Variants in NBAS observed in about 807,000 individuals in gnomAD.
The protein encoded by NBAS is NBAS subunit of NRZ tethering complex, also known as NAG/BC035112 fusion.
In NBAS, 219 loss-of-function variants were observed where a neutral mutation model predicts 302.5. The observed-to-expected ratio is 0.72, with a 90% CI of 0.65 to 0.81. The LOEUF (loss-of-function observed/expected upper bound fraction) is 0.81, where lower values mean the gene tolerates loss of function less well. Among genes scored for constraint, NBAS ranks in the 30% least tolerant of loss-of-function variants. The pLI is 0.00. For synonymous variants in NBAS, 1,118 were observed against 1,021.6 expected (o/e 1.09, Z -1.80); for missense variants, 2,932 against 2,841.6 (o/e 1.03, Z -0.72).
chr2:15,233,985 TC>T (rs1273468227), intron 46 of NBAS, among the ~76,000 whole-genome samples: 1 of 152,218 alleles, frequency 6.6e-6, no homozygotes, highest in African/African-American at 2.4e-5. Flanking sequence ...TCTTTTCTAA[TC>T]CTCTTGGATG....
chr2:15,120,674 A>G, the NBAS span, among the ~76,000 whole-genome samples: 11 of 152,224 alleles, frequency 7.2e-5, no homozygotes, highest in Admixed American at 2.6e-4. Context: ...TCTGCCCATC[A>G]ATGCGCCATA....
Position 15,366,637 on chromosome 2 carries a change from T to C in NBAS, c.3760A>G (p.Thr1254Ala), listed in dbSNP as rs137946600. 156 of 1,613,936 alleles carry C rather than the reference T, an allele frequency of 9.7e-5. No individual in the cohort carries two copies. The highest frequency in any genetic ancestry group is 1.1e-4 in the Non-Finnish European group (132 of 1,180,006). The change falls in exon 32 of 52, where the codon ACA (threonine) becomes GCA (alanine). Residue 1254 changes from threonine to alanine, a missense_variant. Physicochemically the swap from Thr to Ala is moderately conservative, Grantham distance 58. Transcript: ENST00000281513. Reference protein sequence around the residue: ...LIKECISQSPTCYKQSTKLLG... With the variant: ...LIKECISQSPACYKQSTKLLG... ...AGCTTGGTGGATTGTTTATAGCATG[T>C]GGGGGACTGGGAAATACACTCCTTG...
chr2:15,143,218 C>G, the NBAS span, among the ~76,000 whole-genome samples: 1 of 152,176 alleles, frequency 6.6e-6, no homozygotes, highest in Non-Finnish European at 1.5e-5. Flanking sequence ...GGCTCACAAA[C>G]AACCCTGTGA....
the NBAS span, among the ~76,000 whole-genome samples, chr2:15,104,116 T>C: frequency 2.0e-5 from 3 of 152,084 alleles, no homozygotes; most frequent in Non-Finnish European, 4.4e-5. Context: ...CATACTGTTT[T>C]TGTGGTAGTG....
the NBAS span, among the ~76,000 whole-genome samples, chr2:14,793,688 A>T: frequency 6.6e-6 from 1 of 152,176 alleles, no homozygotes; most frequent in African/African-American, 2.4e-5. Context: ...AAATTTGGTA[A>T]AGTCATACTT....
the NBAS span, among the ~76,000 whole-genome samples, chr2:15,093,203 C>G: frequency 6.6e-6 from 1 of 152,212 alleles, no homozygotes; most frequent in South Asian, 2.1e-4. Context: ...ATCACTTGAG[C>G]TCAGGAGTTT....
At chr2:14,969,697 T>C in the NBAS span, among the ~76,000 whole-genome samples, 1 of 152,154 alleles carries the variant, frequency 6.6e-6, no homozygotes, top group Non-Finnish European at 1.5e-5. Context: ...TTTTTTTAAA[T>C]GCAGTGGAGA....
At chr2:14,939,468 A>G in the NBAS span, among the ~76,000 whole-genome samples, 2 of 152,254 alleles carry the variant, frequency 1.3e-5, no homozygotes, top group East Asian at 1.9e-4. Context: ...GGATTTGAAT[A>G]AAGACCTTCT....
chr2:15,383,427 T>A, intron 28 of NBAS, 110 bp from the exon 29 acceptor site: 1 of 787,436 alleles, frequency 1.3e-6, no homozygotes, highest in Non-Finnish European at 2.2e-6. Context: ...CCACTCTATA[T>A]CCACATCAGC....
At chr2:15,138,688 C>T in the NBAS span, among the ~76,000 whole-genome samples, 1 of 150,308 alleles carries the variant, frequency 6.7e-6, no homozygotes, top group African/African-American at 2.5e-5. Context: ...AATTAAGTAA[C>T]TGGGCAAAAA....
chr2:15,144,421 C>G, the NBAS span, among the ~76,000 whole-genome samples: 4 of 152,192 alleles, frequency 2.6e-5, no homozygotes, highest in Non-Finnish European at 2.9e-5. Context: ...GAAAGAATGA[C>G]TTTTATGTTT....
the NBAS span, among the ~76,000 whole-genome samples, chr2:15,099,075 G>A: frequency 2.6e-5 from 4 of 151,942 alleles, no homozygotes; most frequent in Non-Finnish European, 5.9e-5. Flanking sequence ...GGGAGGCTGC[G>A]GCAGGCCTCC....
chr2:15,216,019 C>A (rs1411300428), intron 48 of NBAS, among the ~76,000 whole-genome samples: 2 of 152,132 alleles, frequency 1.3e-5, no homozygotes, highest in Non-Finnish European at 2.9e-5. Context: ...ATTCACTCAC[C>A]AAGTAACAAG....
At chr2:14,929,407 C>T in the NBAS span, among the ~76,000 whole-genome samples, 2 of 152,132 alleles carry the variant, frequency 1.3e-5, no homozygotes, top group African/African-American at 4.8e-5. Flanking sequence ...GAGACGGAGT[C>T]TCACTCTGTC....
chr2:14,806,625 C>A, the NBAS span, among the ~76,000 whole-genome samples: 1 of 152,158 alleles, frequency 6.6e-6, no homozygotes, highest in Admixed American at 6.5e-5. Flanking sequence ...CTATATAAAA[C>A]AAATCATTCA....
chr2:14,854,760 G>A, the NBAS span, among the ~76,000 whole-genome samples: 1 of 152,140 alleles, frequency 6.6e-6, no homozygotes. Context: ...AATCCCAGCT[G>A]TTAAAACTTG....
chr2:15,516,767 A>C (rs1662412248), intron 9 of NBAS, among the ~76,000 whole-genome samples: 1 of 152,134 alleles, frequency 6.6e-6, no homozygotes, highest in South Asian at 2.1e-4. Flanking sequence ...TATTTACAAC[A>C]CACAGAACTA....
the NBAS span, among the ~76,000 whole-genome samples, chr2:14,893,230 T>C: frequency 5.0e-5 from 7 of 140,956 alleles, no homozygotes; most frequent in Non-Finnish European, 4.9e-5. Context: ...ATTACAAACA[T>C]TTTTATTCCC....
At chr2:15,539,108 G>T in intron 7 of NBAS, 115 bp downstream of exon 7, 1 of 1,408,064 alleles carries the variant, frequency 7.1e-7, no homozygotes, top group Non-Finnish European at 9.9e-7. Flanking sequence ...TAAGTCCACA[G>T]CTTATTATTC....
Sources: gnomAD v4.1 joint callset for allele counts (sites outside exome capture counted in the v4.1 genomes callset) on GRCh38, gnomAD v4.1.1 for gene constraint, MANE v1.5 for transcripts, NCBI Gene and HGNC (gene_info 2026-07-23, HGNC 2026-07-21) for gene names.